Variants in FGF12 observed in about 807,000 individuals in gnomAD.
FGF12 encodes fibroblast growth factor 12.
In FGF12, 14 loss-of-function variants were observed where a neutral mutation model predicts 23.6. The ratio of observed to expected loss-of-function variants is 0.59; its 90% CI spans 0.39 to 0.93. FGF12 has a LOEUF of 0.93. Ranked by LOEUF, FGF12 falls within the 40% of genes least tolerant of loss-of-function variation. The pLI is 0.00. For synonymous variants in FGF12, 62 were observed against 77.3 expected, an observed-to-expected ratio of 0.80 and a Z score of 1.04; for missense variants, 175 against 217.8, an observed-to-expected ratio of 0.80 and a Z score of 1.24.
chr3:192,554,874 G>T lies in FGF12; in HGVS notation c.13+172307C>A, dbSNP rs142468977. Among the ~76,000 whole-genome samples the T allele has an allele frequency of 2.4e-4, 37 of 151,940 alleles. No individual in the cohort carries two copies. In the East Asian group the frequency reaches 6.6e-3, roughly 27 times the overall value. The stretch of plus-strand genomic sequence containing the variant: ...AACACCCAGAAAGTTTGGAATGAAA[G>T]AATACAATAACTAAATTGAAAAATT... On this transcript the variant is annotated intron_variant, in intron 2 of 5. Coordinates refer to ENST00000445105, the MANE Select transcript of FGF12 (RefSeq NM_004113.6).
chr3:192,557,210 G>A (rs1281684218), intron 2 of FGF12, among the ~76,000 whole-genome samples: 3 of 150,374 alleles, frequency 2.0e-5, no homozygotes, highest in Non-Finnish European at 4.4e-5. Context: ...GATTAAAGTA[G>A]AAATAAATAA....
rs979826315 is a variant in FGF12 at position 192,405,053 on chromosome 3, G to A, written c.14-44515C>T. On this transcript the variant is annotated intron_variant, in intron 2 of 5. Transcript: ENST00000445105. ...AAAAAGTCAACTGAATCTAGTTCTA[G>A]TCTCAATTTTGACAAAACCTAGTTG... 1.4e-4 allele frequency among the ~76,000 whole-genome samples: 21 copies of A among 144,854 alleles called. 1 individual carries two copies. Among genetic ancestry groups the A allele is most frequent in the African/African-American group, 6.1e-4 (21 of 34,530 alleles).
In FGF12 at chr3:192,336,579, G is replaced by C. The variant is rs1041500608; in HGVS notation, c.125-1115C>G. On this transcript the variant is annotated intron_variant, in intron 3 of 5. Coordinates refer to ENST00000445105, the MANE Select transcript of FGF12 (RefSeq NM_004113.6). The surrounding 1 kb of genome is among the most constrained non-coding windows in gnomAD (Gnocchi z 4.3). ...GAGATGAATTAAGTATCTCACGGCT[G>C]TATGCATAAGAGAATATCTCTGCAG... Among the ~76,000 whole-genome samples the C allele has an allele frequency of 6.6e-6, 1 of 152,132 alleles. No homozygotes were observed. Among genetic ancestry groups the C allele is most frequent in the Non-Finnish European group, 1.5e-5 (1 of 68,028 alleles).
At chr3:192,564,033 T>C (rs1370650479) in intron 2 of FGF12, among the ~76,000 whole-genome samples, 1 of 138,752 alleles carries the variant, frequency 7.2e-6, no homozygotes, top group East Asian at 2.0e-4. Flanking sequence ...ATGTGTAGTT[T>C]TTTGTTTTTT....
intron 5 of FGF12, among the ~76,000 whole-genome samples, chr3:192,165,390 G>C (rs1715108155): frequency 6.6e-6 from 1 of 151,850 alleles, no homozygotes; most frequent in African/African-American, 2.4e-5. Context: ...AAGAAAATAT[G>C]TTTAGACCAG....
chr3:192,657,410 A>G (rs1716469607), intron 2 of FGF12, among the ~76,000 whole-genome samples: 1 of 122,928 alleles, frequency 8.1e-6, no homozygotes, highest in Non-Finnish European at 1.8e-5. Flanking sequence ...TTTTAACTAG[A>G]GAGAACTATT....
chr3:192,201,123 C>A (rs1052412441), intron 4 of FGF12, among the ~76,000 whole-genome samples: 4 of 152,198 alleles, frequency 2.6e-5, no homozygotes, highest in Admixed American at 6.5e-5. Context: ...CTGGTTAACA[C>A]TGGATCCTTA....
intron 2 of FGF12, among the ~76,000 whole-genome samples, chr3:192,414,314 A>G (rs1721281665): frequency 6.6e-6 from 1 of 152,200 alleles, no homozygotes; most frequent in Non-Finnish European, 1.5e-5. Flanking sequence ...ATAAATGAAG[A>G]AACCAGGACA....
chr3:192,495,850 T>C (rs1723939822), intron 2 of FGF12, among the ~76,000 whole-genome samples: 2 of 152,062 alleles, frequency 1.3e-5, no homozygotes, highest in Admixed American at 1.3e-4. Context: ...TATATTTATA[T>C]ACAGGGTTTC....
rs76183783 is a variant in FGF12, at chr3:192,192,194, T to G, written c.229-21538A>C. ...TCCTAACTTTCACTTAATGGAGAAA[T>G]AATAAAATTATTACTAGCTTCATAC... On this transcript the variant is annotated intron_variant, in intron 4 of 5. Transcript: ENST00000445105. Among the ~76,000 whole-genome samples the G allele has an allele frequency of 3.3e-3, 509 of 152,214 alleles. 8 individuals are homozygous for G. The highest frequency in any genetic ancestry group is 0.031 in the East Asian group (163 of 5,176).
chr3:192,691,713 C>G (rs1044872939), intron 2 of FGF12, among the ~76,000 whole-genome samples: 4 of 151,500 alleles, frequency 2.6e-5, no homozygotes, highest in African/African-American at 7.3e-5. Flanking sequence ...CAAATAGAAA[C>G]TAGAACTATT....
chr3:192,701,738 C>A (rs761382979), intron 2 of FGF12, among the ~76,000 whole-genome samples: 1 of 152,024 alleles, frequency 6.6e-6, no homozygotes, highest in Non-Finnish European at 1.5e-5. Context: ...ATATTATATT[C>A]ATTATCTGTA....
In FGF12 at chr3:192,564,468, C is replaced by T. The variant is rs149279807; in HGVS notation, c.13+162713G>A. Reference sequence around the variant, plus strand: ...CTTTATGCTTCGGGGACAGTATTCTCAGGAAGACTTTCCAACACAAGCCAG... The same window carrying T: ...CTTTATGCTTCGGGGACAGTATTCTTAGGAAGACTTTCCAACACAAGCCAG... On this transcript the variant is annotated intron_variant, in intron 2 of 5. Coordinates refer to ENST00000445105, the MANE Select transcript of FGF12 (RefSeq NM_004113.6). Among the ~76,000 whole-genome samples the T allele has an allele frequency of 3.2e-3, 491 of 152,268 alleles. 3 individuals carry two copies. The highest frequency in any genetic ancestry group is 0.011 in the African/African-American group (453 of 41,542).
At chr3:192,279,251 TATAA>T (rs905410056) in intron 4 of FGF12, among the ~76,000 whole-genome samples, 62 of 139,430 alleles carry the variant, frequency 4.4e-4, no homozygotes, top group South Asian at 1.5e-3. Context: ...TATATATATA[TATAA>T]AATGTACATT....
At chr3:192,232,325 C>T (rs1032091312) in intron 4 of FGF12, among the ~76,000 whole-genome samples, 2 of 152,000 alleles carry the variant, frequency 1.3e-5, no homozygotes, top group Admixed American at 6.6e-5. Flanking sequence ...TCTCTAGGAG[C>T]CACGTCATAA....
At chr3:192,342,551 A>T in intron 3 of FGF12, among the ~76,000 whole-genome samples, 1 of 152,234 alleles carries the variant, frequency 6.6e-6, no homozygotes, top group East Asian at 1.9e-4. Context: ...CAGGAGAATC[A>T]CTTGAGCCCA....
chr3:192,170,201 C>A (rs1372166589), intron 5 of FGF12, among the ~76,000 whole-genome samples: 1 of 138,302 alleles, frequency 7.2e-6, no homozygotes, highest in Non-Finnish European at 1.5e-5. Context: ...GAGAATTGCT[C>A]GAATCCGGGA....
chr3:192,506,597 C>T (rs540177864), intron 2 of FGF12, among the ~76,000 whole-genome samples: 1 of 152,306 alleles, frequency 6.6e-6, no homozygotes, highest in East Asian at 1.9e-4. Flanking sequence ...GTCCTGAACT[C>T]TCAGCCTCAA....
At chr3:192,326,787 G>T (rs1716843443) in intron 4 of FGF12, among the ~76,000 whole-genome samples, 1 of 152,176 alleles carries the variant, frequency 6.6e-6, no homozygotes, top group Admixed American at 6.5e-5. Flanking sequence ...AAGCAATATT[G>T]ATTAAAGAAA....
Sources: allele counts gnomAD v4.1 joint callset (sites outside exome capture counted in the v4.1 genomes callset), GRCh38; gene constraint gnomAD v4.1.1; non-coding constraint Gnocchi (gnomAD v3.1); transcripts MANE v1.5; gene names NCBI Gene and HGNC (gene_info 2026-07-23, HGNC 2026-07-21).